Variants in CCDC3 observed in about 807,000 individuals in gnomAD.
CCDC3 encodes the protein coiled-coil domain containing 3, also known as coiled-coil domain-containing protein 3.
In CCDC3, 24 loss-of-function variants were observed where a neutral mutation model predicts 21.4. The ratio of observed to expected loss-of-function variants is 1.12; its 90% CI spans 0.81 to 1.58. CCDC3 has a LOEUF of 1.58. CCDC3 is among the 40% of genes most tolerant of loss of function. The pLI, the probability that CCDC3 is intolerant of heterozygous loss-of-function variation, is 0.00. For missense variants in CCDC3, 425 were observed against 360.9 expected, an observed-to-expected ratio of 1.18 and a Z score of -1.44; for synonymous variants, 186 against 166.0, an observed-to-expected ratio of 1.12 and a Z score of -0.93.
intron 4 of CCDC3, among the ~76,000 whole-genome samples, chr10:13,067,044 T>C (rs903172279): frequency 1.3e-5 from 2 of 152,168 alleles, no homozygotes; most frequent in African/African-American, 2.4e-5. Context: ...GTGGGTAAGA[T>C]GTGAACCAAA....
At chr10:12,998,752 CT>C (rs1835802080) in intron 1 of CCDC3, among the ~76,000 whole-genome samples, 1 of 152,132 alleles carries the variant, frequency 6.6e-6, no homozygotes, top group Admixed American at 6.5e-5. Context: ...TGTATGGTGC[CT>C]GTTTGTCTAT....
chr10:13,041,232 G>A (rs542800533), intron 5 of CCDC3, among the ~76,000 whole-genome samples: 4 of 150,420 alleles, frequency 2.7e-5, no homozygotes, highest in South Asian at 2.1e-4. Context: ...AACAGATTTA[G>A]TATTTCTCTT....
upstream of CCDC3, among the ~76,000 whole-genome samples, chr10:13,005,226 C>T (rs1835912471): frequency 6.6e-6 from 1 of 152,204 alleles, no homozygotes; most frequent in Admixed American, 6.5e-5. Context: ...GTGTGTAATA[C>T]AGAAAAATCT....
intron 2 of CCDC3, among the ~76,000 whole-genome samples, chr10:12,954,984 T>C (rs905497044): frequency 6.6e-6 from 1 of 152,322 alleles, no homozygotes; most frequent in South Asian, 2.1e-4. Context: ...TTTTAGAATG[T>C]GTACTGTCCC....
chr10:12,985,176 T>C (rs1835568223), intron 2 of CCDC3, among the ~76,000 whole-genome samples: 1 of 152,178 alleles, frequency 6.6e-6, no homozygotes, highest in African/African-American at 2.4e-5. Flanking sequence ...TTGTGGCATA[T>C]AAATCGTATC....
At chr10:12,920,624 TAA>T (rs1834436274) in intron 2 of CCDC3, among the ~76,000 whole-genome samples, 1 of 152,230 alleles carries the variant, frequency 6.6e-6, no homozygotes. Flanking sequence ...TGGCAAACTT[TAA>T]AAGTTTTAAA....
At chr10:12,951,900 C>A (rs1247104992) in intron 2 of CCDC3, among the ~76,000 whole-genome samples, 1 of 150,270 alleles carries the variant, frequency 6.7e-6, no homozygotes, top group Non-Finnish European at 1.5e-5. Flanking sequence ...AGAGGGATCG[C>A]TGGTGTTTTT....
chr10:13,057,896 C>T (rs1428207967), intron 4 of CCDC3: 6 of 488,488 alleles, frequency 1.2e-5, no homozygotes, highest in Admixed American at 5.4e-5. Flanking sequence ...AAAGTTAAAA[C>T]CTTCTTTCTT....
intron 2 of CCDC3, among the ~76,000 whole-genome samples, chr10:12,916,393 C>T (rs1395566060): frequency 6.8e-6 from 1 of 147,710 alleles, no homozygotes; most frequent in Non-Finnish European, 1.5e-5. Context: ...TGCCACTGCA[C>T]TCCAGCCTGA....
chr10:13,027,074 C>A (rs1836227955), intron 5 of CCDC3, among the ~76,000 whole-genome samples: 1 of 152,162 alleles, frequency 6.6e-6, no homozygotes. Context: ...TGTAAAGGAC[C>A]TGTCAACCTT....
intron 5 of CCDC3, among the ~76,000 whole-genome samples, chr10:13,013,844 T>C (rs960090855): frequency 1.3e-5 from 2 of 152,148 alleles, no homozygotes; most frequent in Admixed American, 6.5e-5. Context: ...CTGTTCCAGA[T>C]TGAAGGAGAT....
chr10:12,974,725 C>T (rs1023178918), intron 2 of CCDC3, among the ~76,000 whole-genome samples: 1 of 152,204 alleles, frequency 6.6e-6, no homozygotes, highest in Non-Finnish European at 1.5e-5. Context: ...CCGGATCATT[C>T]ATTCTTCCTT....
At chr10:13,087,874 C>T (rs1381976400) in intron 3 of CCDC3, among the ~76,000 whole-genome samples, 1 of 152,166 alleles carries the variant, frequency 6.6e-6, no homozygotes, top group Non-Finnish European at 1.5e-5. Context: ...TTGTGGTCCT[C>T]CAGACTTTGG....
chr10:13,019,465 G>A (rs1209250398), intron 5 of CCDC3, among the ~76,000 whole-genome samples: 1 of 151,868 alleles, frequency 6.6e-6, no homozygotes, highest in African/African-American at 2.4e-5. Context: ...TTTTTCACGT[G>A]CACACAGCAT....
chr10:12,934,078 C>G (rs1428041853), intron 2 of CCDC3, among the ~76,000 whole-genome samples: 1 of 152,160 alleles, frequency 6.6e-6, no homozygotes, highest in Non-Finnish European at 1.5e-5. Flanking sequence ...GCATTTCATG[C>G]TATAAAATTT....
chr10:12,982,833 C>A (rs1835522637), intron 2 of CCDC3, among the ~76,000 whole-genome samples: 1 of 141,662 alleles, frequency 7.1e-6, no homozygotes, highest in Non-Finnish European at 1.5e-5. Context: ...TACCTCTATG[C>A]AGGGCACAAT....
chr10:13,058,728 T>C (rs1398692670), intron 4 of CCDC3: 7 of 273,890 alleles, frequency 2.6e-5, no homozygotes, highest in African/African-American at 4.4e-5. Flanking sequence ...TGCAGGCCTA[T>C]TACTTGCAGT....
intron 3 of CCDC3, among the ~76,000 whole-genome samples, chr10:13,097,470 T>A (rs1832642480): frequency 6.6e-6 from 1 of 152,194 alleles, no homozygotes; most frequent in Non-Finnish European, 1.5e-5. Flanking sequence ...ACACATGTAA[T>A]CCCAGCACTT....
chr10:12,914,115 C>T (rs1589002018), intron 2 of CCDC3, among the ~76,000 whole-genome samples: 1 of 152,022 alleles, frequency 6.6e-6, no homozygotes, highest in Admixed American at 6.6e-5. Context: ...TGGAAGTATT[C>T]CCTCCTGTTC....
Sources: gnomAD v4.1 joint callset for allele counts (sites outside exome capture counted in the v4.1 genomes callset) on GRCh38, gnomAD v4.1.1 for gene constraint, MANE v1.5 for transcripts, NCBI Gene and HGNC (gene_info 2026-07-23, HGNC 2026-07-21) for gene names.